Variants in TTC28 observed in about 807,000 individuals in gnomAD.
The protein encoded by TTC28 is tetratricopeptide repeat protein 28.
In TTC28, 61 loss-of-function variants were observed where a neutral mutation model predicts 198.0. The ratio of observed to expected loss-of-function variants is 0.31; its 90% CI spans 0.25 to 0.38. The LOEUF (loss-of-function observed/expected upper bound fraction) is 0.38, where lower values mean the gene tolerates loss of function less well. Among genes scored for constraint, TTC28 ranks in the 10% least tolerant of loss-of-function variants. The pLI is 1.00. For missense variants in TTC28, 2,678 were observed against 3,164.0 expected, an observed-to-expected ratio of 0.85 and a Z score of 3.69; for synonymous variants, 1,171 against 1,297.8, an observed-to-expected ratio of 0.90 and a Z score of 2.10.
At chr22:28,087,427 T>A (rs1941648816) in intron 12 of TTC28, among the ~76,000 whole-genome samples, 1 of 152,244 alleles carries the variant, frequency 6.6e-6, no homozygotes, top group Admixed American at 6.5e-5. Flanking sequence ...ATTATCTCAA[T>A]AGATGCAGAA....
chr22:28,194,075 T>C (rs1925154529), intron 5 of TTC28, among the ~76,000 whole-genome samples: 1 of 151,840 alleles, frequency 6.6e-6, no homozygotes, highest in South Asian at 2.1e-4. Context: ...ACAGAAATTA[T>C]AACAAACTCT....
rs1423849285 is a variant in TTC28 at position 27,983,219 on chromosome 22, G to T, written c.6448C>A (p.Gln2150Lys). 6.4e-7 allele frequency: 1 copy of T among 1,551,826 alleles called. No individual in the cohort carries two copies. The highest frequency in any genetic ancestry group is 1.2e-5 in the South Asian group (1 of 84,060). ...TCCAGTTTTGGGTTGCTTTCTTCTT[G>T]GGATTTCACGGTACTGTCCGTTTCT... The part of the protein sequence containing the change: ...STETDSTVKS[Q>K]EESNPKLDPQ... The change falls in exon 23 of 23, where the codon CAA (glutamine) becomes AAA (lysine). Residue 2150 changes from glutamine (Q) to lysine (K), a missense_variant. Gln to Lys is a moderately conservative substitution (Grantham distance 53). Coordinates refer to ENST00000397906, the MANE Select transcript of TTC28 (RefSeq NM_001145418.2).
At chr22:28,433,803 C>A (rs1277377772) in intron 2 of TTC28, among the ~76,000 whole-genome samples, 1 of 151,910 alleles carries the variant, frequency 6.6e-6, no homozygotes, top group Non-Finnish European at 1.5e-5. Flanking sequence ...GAATAAGTTA[C>A]TGGGGGAAAA....
At chr22:28,008,321 T>C (rs1938008116) in intron 14 of TTC28, 1 of 152,236 alleles carries the variant, frequency 6.6e-6, no homozygotes, top group Non-Finnish European at 1.5e-5. Context: ...GCTTTCACTC[T>C]TAGATGAGAA....
intron 2 of TTC28, among the ~76,000 whole-genome samples, chr22:28,602,708 T>C (rs2146123634): frequency 6.6e-6 from 1 of 152,300 alleles, no homozygotes; most frequent in East Asian, 1.9e-4. Flanking sequence ...ACCAATAAAA[T>C]GTTAAATGCT....
chr22:28,032,205 A>T (rs1246287655), intron 12 of TTC28, among the ~76,000 whole-genome samples: 3 of 100,832 alleles, frequency 3.0e-5, no homozygotes, highest in Non-Finnish European at 4.2e-5. Flanking sequence ...ATATATATAA[A>T]ATATATATAT....
intron 13 of TTC28, among the ~76,000 whole-genome samples, chr22:28,020,498 A>C (rs1938547956): frequency 6.6e-6 from 1 of 152,152 alleles, no homozygotes. Flanking sequence ...GGCGTGGCTC[A>C]TGTCTCTGGA....
chr22:28,190,121 TTC>T (rs1379957638), intron 5 of TTC28, among the ~76,000 whole-genome samples: 2 of 152,184 alleles, frequency 1.3e-5, no homozygotes, highest in African/African-American at 4.8e-5. Context: ...GTGTCAGAGA[TTC>T]AAAGCCAAGC....
intron 9 of TTC28, 82 bp from the exon 10 acceptor site, chr22:28,099,126 A>C (rs1942063332): frequency 1.3e-6 from 2 of 1,508,394 alleles, no homozygotes; most frequent in Admixed American, 4.3e-5. Context: ...ACTTTTGCTC[A>C]TATCTTTGTG....
intron 2 of TTC28, among the ~76,000 whole-genome samples, chr22:28,410,005 T>G (rs2047058110): frequency 6.6e-6 from 1 of 151,956 alleles, no homozygotes; most frequent in African/African-American, 2.4e-5. Context: ...CACTGCAATC[T>G]CCACCTCCTG....
intron 5 of TTC28, among the ~76,000 whole-genome samples, chr22:28,285,631 C>G (rs959302482): frequency 1.3e-5 from 2 of 152,078 alleles, no homozygotes; most frequent in African/African-American, 4.8e-5. Flanking sequence ...TGATTGTGGT[C>G]GTTTCACAAT....
intron 2 of TTC28, among the ~76,000 whole-genome samples, chr22:28,418,283 T>C (rs896943590): frequency 2.6e-5 from 4 of 152,106 alleles, no homozygotes; most frequent in Non-Finnish European, 5.9e-5. Context: ...GCAAGTAGAA[T>C]AAAAAAGCTA....
intron 6 of TTC28, among the ~76,000 whole-genome samples, chr22:28,129,307 A>G (rs961217429): frequency 2.0e-5 from 3 of 152,208 alleles, no homozygotes; most frequent in African/African-American, 7.2e-5. Flanking sequence ...TAAAATCCCA[A>G]TGTCAGATCT....
chr22:28,249,828 T>C (rs1019364165), intron 5 of TTC28, among the ~76,000 whole-genome samples: 3 of 152,230 alleles, frequency 2.0e-5, no homozygotes, highest in Non-Finnish European at 2.9e-5. Flanking sequence ...ATCTATTTTA[T>C]TGAAAACTCA....
rs992470187 is a variant in TTC28 at position 28,679,429 on chromosome 22, A to G, written c.102+193T>C. On this transcript the variant is annotated intron_variant, in intron 1 of 22. Transcript: ENST00000397906. ...CACACACCCACACACATCCACACACACTCTCGCGGAAACTGAGCCAGGCAG... is the reference window on the plus strand; with the variant it reads ...CACACACCCACACACATCCACACACGCTCTCGCGGAAACTGAGCCAGGCAG... Among the ~76,000 whole-genome samples the G allele has an allele frequency of 7.9e-5, 12 of 151,126 alleles. No homozygotes were observed. In the East Asian group the frequency reaches 1.2e-3, roughly 15 times the overall value.
At chr22:28,395,364 GAA>G (rs1419845995) in intron 2 of TTC28, among the ~76,000 whole-genome samples, 4 of 152,020 alleles carry the variant, frequency 2.6e-5, no homozygotes, top group African/African-American at 9.7e-5. Flanking sequence ...TGTGGTACTA[GAA>G]AACATTTTCC....
chr22:28,375,386 G>T (rs1160542955), intron 2 of TTC28, among the ~76,000 whole-genome samples: 1 of 152,146 alleles, frequency 6.6e-6, no homozygotes, highest in Non-Finnish European at 1.5e-5. Flanking sequence ...TAACTTTGCT[G>T]CAGATTAATA....
At chr22:28,501,118 C>T (rs1313978506) in intron 2 of TTC28, among the ~76,000 whole-genome samples, 3 of 152,098 alleles carry the variant, frequency 2.0e-5, no homozygotes, top group Admixed American at 2.0e-4. Context: ...ATATGCCAAG[C>T]ACAGCATTAT....
chr22:28,600,245 AC>A (rs2050616938), intron 2 of TTC28, among the ~76,000 whole-genome samples: 1 of 151,438 alleles, frequency 6.6e-6, no homozygotes, highest in African/African-American at 2.4e-5. Context: ...AAGATTGAAA[AC>A]AAAAAAAAAA....
Sources: allele counts gnomAD v4.1 joint callset (sites outside exome capture counted in the v4.1 genomes callset), GRCh38; gene constraint gnomAD v4.1.1; transcripts MANE v1.5; gene names NCBI Gene and HGNC (gene_info 2026-07-23, HGNC 2026-07-21).